CAGE1: variants seen among roughly 807,000 people sequenced by gnomAD.
The protein encoded by CAGE1 is cancer antigen 1.
In CAGE1, 66 loss-of-function variants were observed where a neutral mutation model predicts 94.9. The observed-to-expected ratio is 0.70, with a 90% CI of 0.57 to 0.85. The LOEUF (loss-of-function observed/expected upper bound fraction) is 0.85. Among genes scored for constraint, CAGE1 ranks in the 40% least tolerant of loss-of-function variants. The probability of loss-of-function intolerance (pLI) is 0.00; values close to 1 mark genes in which losing one functional copy is unlikely to be tolerated. For missense variants in CAGE1, 865 were observed against 950.4 expected (o/e 0.91, Z 1.18); for synonymous variants, 319 against 321.0 (o/e 0.99, Z 0.07).
At position 7,386,965 on chromosome 6, in the gene CAGE1, TA is replaced by T; in HGVS notation, c.195+13del. 6.6e-7 allele frequency: 1 copy of T among 1,522,488 alleles called. No individual in the cohort carries two copies. The highest frequency in any genetic ancestry group is 8.9e-7 in the Non-Finnish European group (1 of 1,120,392). 94.3% of individuals were successfully genotyped at this position (1,522,488 alleles called of 1,614,324 possible). ...ATACATCTGAGCCTCCTGGAACTTA[TA>T]AGCAATGCACACCTGAGGCAAGTCA... On this transcript the variant is annotated intron_variant, in intron 2 of 13. Coordinates refer to ENST00000502583, the MANE Select transcript of CAGE1 (RefSeq NM_001170692.2).
chr6:7,384,028 GCTTATGA>G (rs1174973462), intron 3 of CAGE1, among the ~76,000 whole-genome samples: 1 of 152,132 alleles, frequency 6.6e-6, no homozygotes, highest in Non-Finnish European at 1.5e-5. Context: ...ATCTGTAGGT[GCTTATGA>G]CTTTTCTATG....
chr6:7,373,494 T>A lies in CAGE1; in HGVS notation c.1325A>T (p.Asp442Val). Residue 442 changes from aspartate to valine, a missense_variant, in exon 5 of 14, where the codon GAC (aspartate) becomes GTC (valine). Physicochemically the swap from Asp to Val is radical, Grantham distance 152 (BLOSUM62 -3). Coordinates refer to ENST00000502583, the MANE Select transcript of CAGE1 (RefSeq NM_001170692.2). The part of the protein sequence containing the change: ...NKSVSQYLEM[D>V]KTLSKKEEEV... ...TTCTTCTTTCTTGCTTAAGGTTTTG[T>A]CCATCTCTAAATACTGACTTACAGA... 1.2e-6 allele frequency: 2 copies of A among 1,613,954 alleles called. No individual in the cohort carries two copies. Among genetic ancestry groups the A allele is most frequent in the Non-Finnish European group, 1.7e-6 (2 of 1,179,866 alleles).
intron 11 of CAGE1, among the ~76,000 whole-genome samples, chr6:7,347,679 C>G (rs2113390001): frequency 6.6e-6 from 1 of 152,210 alleles, no homozygotes; most frequent in Non-Finnish European, 1.5e-5. Context: ...TAGCCTGGGG[C>G]AAGTTCTCAA....
chr6:7,370,666 C>T (rs1318323336), intron 5 of CAGE1, among the ~76,000 whole-genome samples: 2 of 152,262 alleles, frequency 1.3e-5, no homozygotes, highest in East Asian at 1.9e-4. Flanking sequence ...AATGGCACTG[C>T]TTTGCATTTT....
At chr6:7,359,358 T>G (rs923024790) in intron 9 of CAGE1, among the ~76,000 whole-genome samples, 5 of 152,210 alleles carry the variant, frequency 3.3e-5, no homozygotes, top group Non-Finnish European at 7.3e-5. Context: ...AATTTGTATC[T>G]TAAAGATGTT....
intron 9 of CAGE1, 57 bp downstream of exon 9, chr6:7,365,410 CT>C (rs1236482306): frequency 7.3e-7 from 1 of 1,377,448 alleles, no homozygotes; most frequent in Non-Finnish European, 1.0e-6. Flanking sequence ...CTTAAACTTG[CT>C]AGTAAAATAA....
intron 13 of CAGE1, chr6:7,329,190 C>T (rs544133537): frequency 2.9e-4 from 117 of 402,782 alleles, no homozygotes; most frequent in African/African-American, 2.1e-3. Context: ...GCCTCGGCCT[C>T]CCAAAGTGCT....
chr6:7,380,048 T>C (rs969821485), intron 3 of CAGE1, among the ~76,000 whole-genome samples: 3 of 152,208 alleles, frequency 2.0e-5, no homozygotes, highest in Admixed American at 1.3e-4. Flanking sequence ...TGGAATCAGA[T>C]TGGAGACCAC....
In CAGE1 at chr6:7,374,228, CCT is replaced by C. The variant is rs1486791746; in HGVS notation, c.688-99_688-98del. Reference sequence around the variant, plus strand: ...GGCCTTGAATTCTATTAGTAGATCCCCTGTTTGGCTTTCTCCGCTATAAAGTA... The same window carrying C: ...GGCCTTGAATTCTATTAGTAGATCCCGTTTGGCTTTCTCCGCTATAAAGTA... On this transcript the variant is annotated intron_variant, in intron 4 of 13. Transcript: ENST00000502583. 4 of 969,730 alleles carry C rather than the reference CCT, an allele frequency of 4.1e-6. No homozygotes were observed. The African/African-American group carries it at 4.9e-5, about 12-fold the overall frequency. 60.1% of individuals were successfully genotyped at this position (969,730 alleles called of 1,614,324 possible).
chr6:7,374,595 T>A (rs2876099), intron 4 of CAGE1, among the ~76,000 whole-genome samples: 4 of 151,358 alleles, frequency 2.6e-5, no homozygotes, highest in Admixed American at 1.3e-4. Context: ...GGGGGGAAAG[T>A]TCTCTTCTCT....
chr6:7,344,906 G>T (rs919622341), intron 11 of CAGE1, among the ~76,000 whole-genome samples: 2 of 152,176 alleles, frequency 1.3e-5, no homozygotes, highest in African/African-American at 4.8e-5. Flanking sequence ...TGGTGGGGAC[G>T]TGCAGAACCT....
chr6:7,365,335 T>C (rs1161790126), intron 9 of CAGE1, 133 bp downstream of exon 9: 2 of 655,704 alleles, frequency 3.1e-6, no homozygotes, highest in African/African-American at 1.8e-5. Context: ...TGTGGGTAAA[T>C]AATAATGCCA....
chr6:7,327,448 C>T (rs915557626), intron 13 of CAGE1, among the ~76,000 whole-genome samples: 2 of 152,186 alleles, frequency 1.3e-5, no homozygotes, highest in African/African-American at 4.8e-5. Flanking sequence ...TGGCCCCCAA[C>T]ACTATATTTT....
intron 11 of CAGE1, among the ~76,000 whole-genome samples, chr6:7,345,246 A>C (rs866115858): frequency 6.6e-6 from 1 of 152,182 alleles, no homozygotes. Flanking sequence ...AGAAGAAGGA[A>C]CAACTCCAGA....
At position 7,345,526 on chromosome 6, in the gene CAGE1, TAC is replaced by T. The variant is rs375344314; in HGVS notation, c.2369+9513_2369+9514del. ...TCAGCAAGATCACTCTGGCTGCATA[TAC>T]AGAGTAAGCTATCACCAAGTAGTTT... is the stretch of plus-strand genomic sequence containing the variant. On this transcript the variant is annotated intron_variant, in intron 11 of 13. Transcript: ENST00000502583. Among the ~76,000 whole-genome samples, 121 of 152,322 alleles carry T rather than the reference TAC, an allele frequency of 7.9e-4. 1 individual carries two copies. The highest frequency in any genetic ancestry group is 2.8e-3 in the African/African-American group (118 of 41,570).
At chr6:7,368,333 C>G (rs1444043650) in intron 7 of CAGE1, among the ~76,000 whole-genome samples, 1 of 151,670 alleles carries the variant, frequency 6.6e-6, no homozygotes, top group Non-Finnish European at 1.5e-5. Flanking sequence ...CTTCAGCCAC[C>G]TGAGAAATAA....
At chr6:7,386,182 A>ATAAT (rs1761115018) in intron 2 of CAGE1, among the ~76,000 whole-genome samples, 1 of 150,696 alleles carries the variant, frequency 6.6e-6, no homozygotes. Context: ...TAATTATTTG[A>ATAAT]TGTTTATTAA....
intron 9 of CAGE1, among the ~76,000 whole-genome samples, chr6:7,357,142 A>C (rs1188625463): frequency 6.6e-6 from 1 of 151,318 alleles, no homozygotes; most frequent in Non-Finnish European, 1.5e-5. Flanking sequence ...AGAACCCTAG[A>C]GGAATCAATA....
At chr6:7,344,243 C>T (rs1759314153) in intron 11 of CAGE1, among the ~76,000 whole-genome samples, 1 of 152,112 alleles carries the variant, frequency 6.6e-6, no homozygotes, top group African/African-American at 2.4e-5. Flanking sequence ...GGAACCGGGG[C>T]TGGGCGTGGC....
Sources: allele counts gnomAD v4.1 joint callset (sites outside exome capture counted in the v4.1 genomes callset), GRCh38; gene constraint gnomAD v4.1.1; transcripts MANE v1.5; gene names NCBI Gene and HGNC (gene_info 2026-07-23, HGNC 2026-07-21).